KLF12: variants seen among roughly 807,000 people sequenced by gnomAD.
KLF12 encodes KLF transcription factor 12.
A neutral mutation model predicts 37.8 loss-of-function variants in KLF12; 9 were observed. The ratio of observed to expected loss-of-function variants is 0.24; its 90% CI spans 0.14 to 0.42. The LOEUF (loss-of-function observed/expected upper bound fraction) is 0.42, where lower values mean the gene tolerates loss of function less well. Ranked by LOEUF, KLF12 falls within the 10% of genes least tolerant of loss-of-function variation. The pLI is 1.00. For synonymous variants in KLF12, 208 were observed against 202.1 expected (o/e 1.03, Z -0.25); for missense variants, 411 against 516.0 (o/e 0.80, Z 1.97).
chr13:73,927,760 T>G (rs1283940856), intron 3 of KLF12, among the ~76,000 whole-genome samples: 3 of 151,298 alleles, frequency 2.0e-5, no homozygotes, highest in African/African-American at 7.3e-5. Context: ...TTTTTTTTTT[T>G]TGTATTTTTA....
At chr13:73,973,769 T>C (rs1891416970) in intron 2 of KLF12, among the ~76,000 whole-genome samples, 1 of 151,890 alleles carries the variant, frequency 6.6e-6, no homozygotes, top group Admixed American at 6.6e-5. Context: ...AAAACAAGCA[T>C]GCAAAGGAGG....
At chr13:73,881,270 G>T (rs186239316) in intron 3 of KLF12, among the ~76,000 whole-genome samples, 124 of 152,114 alleles carry the variant, frequency 8.2e-4, no homozygotes, top group Middle Eastern at 3.4e-3. Flanking sequence ...TTCTGTAAAA[G>T]ATAAAAATAT....
chr13:73,751,312 G>A (rs1878742196), intron 6 of KLF12, among the ~76,000 whole-genome samples: 1 of 152,176 alleles, frequency 6.6e-6, no homozygotes, highest in Non-Finnish European at 1.5e-5. Context: ...TTTGAGAAAT[G>A]TTCGTACTGT....
chr13:74,103,275 C>G (rs2138881186), intron 1 of KLF12, among the ~76,000 whole-genome samples: 1 of 152,298 alleles, frequency 6.6e-6, no homozygotes, highest in African/African-American at 2.4e-5. Context: ...GAAAAATTTC[C>G]ATAATTAAAA....
the KLF12 span, among the ~76,000 whole-genome samples, chr13:74,183,383 A>G: frequency 1.1e-4 from 16 of 152,130 alleles, no homozygotes; most frequent in Admixed American, 5.2e-4. Context: ...TGGTGCCCTC[A>G]TATCACTGAC....
chr13:73,707,275 G>T (rs771429164), intron 7 of KLF12, among the ~76,000 whole-genome samples: 4 of 152,154 alleles, frequency 2.6e-5, no homozygotes, highest in Non-Finnish European at 5.9e-5. Flanking sequence ...ATGAGTATAT[G>T]TAAAGCACTC....
the KLF12 span, among the ~76,000 whole-genome samples, chr13:74,168,984 G>C: frequency 3.3e-5 from 5 of 152,140 alleles, no homozygotes; most frequent in Non-Finnish European, 1.5e-5. Context: ...GTACAAACCA[G>C]CCGTGGCTGG....
chr13:74,183,747 C>CCAATATAGGGAAACCCCGTCTCTA, the KLF12 span, among the ~76,000 whole-genome samples: 1 of 152,000 alleles, frequency 6.6e-6, no homozygotes, highest in Non-Finnish European at 1.5e-5. Flanking sequence ...ACCAGCCTGG[C>CCAATATAGGGAAACCCCGTCTCTA]CAATATAGGG....
At chr13:73,772,397 T>TA (rs1404472692) in intron 5 of KLF12, among the ~76,000 whole-genome samples, 1 of 152,192 alleles carries the variant, frequency 6.6e-6, no homozygotes, top group African/African-American at 2.4e-5. Context: ...TGCCATGTGA[T>TA]AAACAGCTGC....
intron 4 of KLF12, among the ~76,000 whole-genome samples, chr13:73,820,328 TC>T (rs1883455280): frequency 6.6e-6 from 1 of 152,192 alleles, no homozygotes; most frequent in South Asian, 2.1e-4. Context: ...GGCACGTCCT[TC>T]CTAATATATT....
the KLF12 span, among the ~76,000 whole-genome samples, chr13:74,177,730 C>A: frequency 0.039 from 5,907 of 151,992 alleles, 355 homozygotes; most frequent in African/African-American, 0.13. Flanking sequence ...ACAGTGGTGC[C>A]GATGGAGAAG....
At chr13:73,751,587 TTA>T in intron 6 of KLF12, among the ~76,000 whole-genome samples, 1 of 152,102 alleles carries the variant, frequency 6.6e-6, no homozygotes, top group East Asian at 1.9e-4. Context: ...TAAATGTGGG[TTA>T]TGACAGAGTT....
At chr13:74,277,024 G>T in the KLF12 span, among the ~76,000 whole-genome samples, 1 of 152,142 alleles carries the variant, frequency 6.6e-6, no homozygotes, top group South Asian at 2.1e-4. Flanking sequence ...ATGTTTCTTG[G>T]TCTACTCTTC....
the KLF12 span, among the ~76,000 whole-genome samples, chr13:74,194,200 G>A: frequency 2.0e-5 from 3 of 152,276 alleles, no homozygotes; most frequent in East Asian, 1.9e-4. Context: ...GTTTTCTGGG[G>A]TGGTGGTGGT....
intron 4 of KLF12, among the ~76,000 whole-genome samples, chr13:73,827,171 T>C (rs11841890): frequency 6.6e-6 from 1 of 152,064 alleles, no homozygotes; most frequent in African/African-American, 2.4e-5. Context: ...AAAGATACCA[T>C]TTTCTAAATG....
intron 4 of KLF12, among the ~76,000 whole-genome samples, chr13:73,838,379 A>G (rs770158228): frequency 1.3e-5 from 2 of 152,160 alleles, no homozygotes; most frequent in South Asian, 2.1e-4. Flanking sequence ...TTTTTGGAGG[A>G]TTCTTCACCG....
chr13:73,809,092 C>T (rs1285077966), intron 5 of KLF12, among the ~76,000 whole-genome samples: 1 of 152,136 alleles, frequency 6.6e-6, no homozygotes, highest in Non-Finnish European at 1.5e-5. Context: ...AAATGTGTTG[C>T]CTGTAATATA....
At chr13:74,287,419 C>A in the KLF12 span, among the ~76,000 whole-genome samples, 1 of 140,594 alleles carries the variant, frequency 7.1e-6, no homozygotes, top group African/African-American at 2.7e-5. Flanking sequence ...CACCCCCAAC[C>A]CCAGCCCCAA....
intron 3 of KLF12, among the ~76,000 whole-genome samples, chr13:73,848,772 G>A (rs1164526627): frequency 2.6e-5 from 4 of 151,986 alleles, no homozygotes; most frequent in Non-Finnish European, 5.9e-5. Context: ...AAATAAGGAA[G>A]AATAAACCAA....
Sources: allele counts gnomAD v4.1 joint callset (sites outside exome capture counted in the v4.1 genomes callset), GRCh38; gene constraint gnomAD v4.1.1; transcripts MANE v1.5; gene names NCBI Gene and HGNC (gene_info 2026-07-23, HGNC 2026-07-21).